RGS19: variants seen among roughly 807,000 people sequenced by gnomAD.
RGS19 encodes regulator of G protein signaling 19, also known as G alpha interacting protein.
Under a neutral mutation model 22.0 loss-of-function variants are expected in RGS19, and 9 were observed. That is an observed-to-expected ratio of 0.41 (90% CI 0.25 to 0.71). The LOEUF is 0.71. Among genes scored for constraint, RGS19 ranks in the 30% least tolerant of loss-of-function variants. RGS19 has a pLI of 0.32. For missense variants in RGS19, 256 were observed against 307.1 expected (o/e 0.83, Z 1.24); for synonymous variants, 130 against 127.3 (o/e 1.02, Z -0.14).
In RGS19 at chr20:64,073,462, TC is replaced by T. The variant is rs1163112018; in HGVS notation, c.*390del. On this transcript the variant is annotated 3_prime_UTR_variant, in exon 6 of 6. Coordinates refer to ENST00000395042, the MANE Select transcript of RGS19 (RefSeq NM_005873.3). ...AAACTACACGATGCGGAGGTTCTGT[TC>T]CCCACCAAAGGCTTGTCTGGGGCCC... The T allele has an allele frequency of 5.4e-6, 1 of 184,204 alleles. No homozygotes were observed. The highest frequency in any genetic ancestry group is 1.1e-5 in the Non-Finnish European group (1 of 88,358). 11.4% of individuals were successfully genotyped at this position (184,204 alleles called of 1,614,324 possible).
chr20:64,074,414 G>A lies in RGS19; in HGVS notation c.228-36C>T, dbSNP rs1273790271. On this transcript the variant is annotated intron_variant, in intron 4 of 5. Coordinates refer to ENST00000395042, the MANE Select transcript of RGS19 (RefSeq NM_005873.3). ...GGGGGCCAGGCTATGTCAGGCCCGA[G>A]TCTCCCGGTCTGGGGCCCCCCCAGC... 15 of 1,579,092 alleles carry A rather than the reference G, an allele frequency of 9.5e-6. No homozygotes were observed. The East Asian group carries it at 2.3e-4, about 25-fold the overall frequency.
In RGS19 at chr20:64,074,224, C is replaced by T; in HGVS notation, c.382G>A (p.Ala128Thr). The change falls in exon 5 of 6, where the codon GCC becomes ACC. Residue 128 changes from alanine to threonine, a missense_variant. Physicochemically the swap from Ala to Thr is moderately conservative, Grantham distance 58. Transcript: ENST00000395042. ...TCTACCACATGCTGGTTGGCCTCGG[C>T]CTTCAGCTCCTCGCAGGCCAACCAG... ...LFWLACEELKAEANQHVVDEK... is the reference protein window; with the variant it reads ...LFWLACEELKTEANQHVVDEK... The T allele has an allele frequency of 6.2e-7, 1 of 1,614,008 alleles. No individual in the cohort carries two copies. Among genetic ancestry groups the T allele is most frequent in the Non-Finnish European group, 8.5e-7 (1 of 1,180,022 alleles).
At position 64,074,040 on chromosome 20, in the gene RGS19, C is replaced by T. The variant is rs1288673118; in HGVS notation, c.467G>A (p.Ser156Asn). ...YVSILSPKEV[S>N]LDSRVREGIN... Reference sequence around the variant, plus strand: ...GCCCTCCCGCACACGGGAGTCCAGGCTCACCTGCAGGACAAGACACTGAGG... The same window carrying T: ...GCCCTCCCGCACACGGGAGTCCAGGTTCACCTGCAGGACAAGACACTGAGG... Residue 156 changes from serine (S) to asparagine (N), a missense_variant, in exon 6 of 6, where the codon AGC becomes AAC. Coordinates refer to ENST00000395042, the MANE Select transcript of RGS19 (RefSeq NM_005873.3). 1 of 1,611,380 alleles carries T rather than the reference C, an allele frequency of 6.2e-7. No homozygotes were observed. The highest frequency in any genetic ancestry group is 8.5e-7 in the Non-Finnish European group (1 of 1,178,340).
chr20:64,078,256 C>T (rs1301487532), intron 1 of RGS19, among the ~76,000 whole-genome samples: 2 of 152,248 alleles, frequency 1.3e-5, no homozygotes, highest in Non-Finnish European at 2.9e-5. Flanking sequence ...CCCCTGGGAC[C>T]TTGGCCCCTC....
intron 3 of RGS19, 134 bp downstream of exon 3, chr20:64,076,391 G>A: frequency 7.2e-7 from 1 of 1,384,642 alleles, no homozygotes. Flanking sequence ...CCCTGGACAG[G>A]ACAGTGCTGT....
intron 1 of RGS19, 46 bp from the exon 2 acceptor site, chr20:64,077,000 C>A (rs997137698): frequency 4.0e-6 from 4 of 995,518 alleles, no homozygotes; most frequent in Non-Finnish European, 5.7e-6. Flanking sequence ...GAAACCCCAG[C>A]CCCTGCCTAC....
In RGS19 at chr20:64,074,315, G is replaced by C; in HGVS notation, c.291C>G (p.Ser97Arg). ...CCCGGAACACGCTGCGTCCCGCTGG[G>C]CTGTGCATCAGCTTGTCAAAAGACT... ...WAQSFDKLMH[S>R]PAGRSVFRAF... The change falls in exon 5 of 6, where the codon AGC becomes AGG. Residue 97 changes from serine to arginine, a missense_variant. Transcript: ENST00000395042. 1 of 1,612,742 alleles carries C rather than the reference G, an allele frequency of 6.2e-7. No individual in the cohort carries two copies.
Position 64,079,241 on chromosome 20 carries a change from CTCTT to C in RGS19, c.-69+49_-69+52del, listed in dbSNP as rs1412679672. 2 of 152,354 alleles carry C rather than the reference CTCTT, an allele frequency of 1.3e-5. No individual in the cohort carries two copies. The highest frequency in any genetic ancestry group is 4.8e-5 in the African/African-American group (2 of 41,458). The allele number at this position is 152,354 out of a possible 1,614,324, so 9.4% of individuals were successfully genotyped here. ...GAAGCCTGTGTTCTCCTCCAGGTGC[CTCTT>C]TCTTCAGCCTCTGACGCCCCCACCC... On this transcript the variant is annotated intron_variant, in intron 1 of 5. Transcript: ENST00000395042. The surrounding 1 kb of genome is among the most constrained non-coding windows in gnomAD (Gnocchi z 5.1).
At chr20:64,076,264 A>C (rs2059904492) in intron 3 of RGS19, among the ~76,000 whole-genome samples, 1 of 152,244 alleles carries the variant, frequency 6.6e-6, no homozygotes, top group Non-Finnish European at 1.5e-5. Flanking sequence ...ATGCCGCGTG[A>C]ACGGGCACAT....
chr20:64,073,711 C>G lies in RGS19; in HGVS notation c.*142G>C. 1 of 704,236 alleles carries G rather than the reference C, an allele frequency of 1.4e-6. No individual in the cohort carries two copies. Among genetic ancestry groups the G allele is most frequent in the Non-Finnish European group, 2.3e-6 (1 of 437,954 alleles). 43.6% of individuals were successfully genotyped at this position (704,236 alleles called of 1,614,324 possible). ...GGCAGACCCAGGAGACACAGCACTC[C>G]CCACTGGGTCTAGGACCGTCTCCGC... On this transcript the variant is annotated 3_prime_UTR_variant, in exon 6 of 6. Coordinates refer to ENST00000395042, the MANE Select transcript of RGS19 (RefSeq NM_005873.3).
chr20:64,074,520 C>G lies in RGS19; in HGVS notation c.174G>C (p.Ala58=), dbSNP rs199947372. ...GCTTGCTCTCCCGGGAGGCCTGCCA[C>G]GCGCGCCGCCGCTCTTGGTTCCTAG... ...SCSWNQERRR[A]WQASRESKLQ... is the part of the protein sequence containing the mutation. Residue 58 remains alanine (A), a synonymous_variant, in exon 4 of 6, where the codon GCG becomes GCC. Transcript: ENST00000395042. 1 of 1,564,732 alleles carries G rather than the reference C, an allele frequency of 6.4e-7. No individual in the cohort carries two copies. The highest frequency in any genetic ancestry group is 8.7e-7 in the Non-Finnish European group (1 of 1,155,432).
intron 3 of RGS19, 64 bp downstream of exon 3, chr20:64,076,461 C>A (rs1295239475): frequency 5.0e-6 from 8 of 1,598,558 alleles, no homozygotes; most frequent in Admixed American, 1.7e-5. Context: ...GGGTCCCCTC[C>A]TGGGTCTGCT....
intron 5 of RGS19, 26 bp downstream of exon 5, chr20:64,074,118 C>G (rs11905291): frequency 0.015 from 23,475 of 1,607,040 alleles, 545 homozygotes; most frequent in African/African-American, 0.11. Flanking sequence ...CAGGCGGCCC[C>G]CGGCCTGTTC....
chr20:64,078,453 A>G (rs2059927299), intron 1 of RGS19, among the ~76,000 whole-genome samples: 1 of 152,168 alleles, frequency 6.6e-6, no homozygotes, highest in Admixed American at 6.5e-5. Flanking sequence ...TTCCCCAGGC[A>G]GCAGTTCTTC....
intron 3 of RGS19, among the ~76,000 whole-genome samples, 172 bp downstream of exon 3, chr20:64,076,353 C>T (rs1056285053): frequency 3.9e-5 from 6 of 152,244 alleles, no homozygotes; most frequent in Non-Finnish European, 8.8e-5. Context: ...GCCAAGGCAC[C>T]GGCCACTCAT....
Position 64,075,011 on chromosome 20 carries a change from G to A in RGS19, c.153-470C>T, listed in dbSNP as rs1212128457. ...CTGCTCCCCTGGGGGAGATGGGGTG[G>A]GGCAAGATGAGGGGCCACAAGGAGC... On this transcript the variant is annotated intron_variant, in intron 3 of 5. Coordinates refer to ENST00000395042, the MANE Select transcript of RGS19 (RefSeq NM_005873.3). This position sits in a 1 kb window ranked among gnomAD's most constrained non-coding sequence, Gnocchi z 4.6. Among the ~76,000 whole-genome samples the A allele has an allele frequency of 2.6e-5, 4 of 152,212 alleles. No individual in the cohort carries two copies. Among genetic ancestry groups the A allele is most frequent in the African/African-American group, 9.7e-5 (4 of 41,450 alleles).
At position 64,075,903 on chromosome 20, in the gene RGS19, C is replaced by A. The variant is rs73626428; in HGVS notation, c.152+622G>T. 6.7e-6 allele frequency among the ~76,000 whole-genome samples: 1 copy of A among 149,412 alleles called. No individual in the cohort carries two copies. The highest frequency in any genetic ancestry group is 2.0e-4 in the East Asian group (1 of 5,106). The stretch of plus-strand genomic sequence containing the variant: ...TTTCTTTCTTTTTTTTTTTTTGAGA[C>A]GGAGTTTTGCTCTTGTTGCCCAGGC... On this transcript the variant is annotated intron_variant, in intron 3 of 5. Coordinates refer to ENST00000395042, the MANE Select transcript of RGS19 (RefSeq NM_005873.3). This position sits in a 1 kb window ranked among gnomAD's most constrained non-coding sequence, Gnocchi z 4.6.
Position 64,073,812 on chromosome 20 carries a change from C to G in RGS19, c.*41G>C. 6.5e-7 allele frequency: 1 copy of G among 1,529,316 alleles called. No individual in the cohort carries two copies. Among genetic ancestry groups the G allele is most frequent in the Non-Finnish European group, 8.9e-7 (1 of 1,127,026 alleles). The allele number at this position is 1,529,316 out of a possible 1,614,324, so 94.7% of individuals were successfully genotyped here. On this transcript the variant is annotated 3_prime_UTR_variant, in exon 6 of 6. Transcript: ENST00000395042. ...ACAACACCTGAAGGGAACCCAGAGT[C>G]GGCCGTAGGAGGCGGCGGGGTCTGT...
At chr20:64,078,756 G>T (rs1422430145) in intron 1 of RGS19, among the ~76,000 whole-genome samples, 3 of 152,128 alleles carry the variant, frequency 2.0e-5, no homozygotes, top group Non-Finnish European at 4.4e-5. Context: ...TCTCCTGGGG[G>T]ATACAGAGTC....
Sources: allele counts gnomAD v4.1 joint callset (sites outside exome capture counted in the v4.1 genomes callset), GRCh38; gene constraint gnomAD v4.1.1; non-coding constraint Gnocchi (gnomAD v3.1); transcripts MANE v1.5; gene names NCBI Gene and HGNC (gene_info 2026-07-23, HGNC 2026-07-21).